RRP8: variants seen among roughly 807,000 people sequenced by gnomAD.
RRP8 encodes the protein ribosomal RNA processing 8.
Under a neutral mutation model 45.0 loss-of-function variants are expected in RRP8, and 48 were observed. The ratio of observed to expected loss-of-function variants is 1.07; its 90% confidence interval spans 0.85 to 1.36. The LOEUF (loss-of-function observed/expected upper bound fraction) is 1.36. Among genes scored for constraint, RRP8 ranks in the 40% most tolerant of loss-of-function variants. The pLI, the probability that RRP8 is intolerant of heterozygous loss-of-function variation, is 0.00. For synonymous variants in RRP8, 274 were observed against 212.4 expected (o/e 1.29, Z -2.52); for missense variants, 658 against 573.7 (o/e 1.15, Z -1.50).
At position 6,603,503 on chromosome 11, in the gene RRP8, G is replaced by A. The variant is rs764684892; in HGVS notation, c.-1C>T. The A allele has an allele frequency of 4.5e-6, 7 of 1,567,898 alleles. No individual in the cohort carries two copies. The highest frequency in any genetic ancestry group is 6.1e-6 in the Non-Finnish European group (7 of 1,156,888). ...CGGCCCACTCAGGCTCTTCGAACATGAGGGTCGGGAGGGCAGGGTCGCCGA... is the reference window on the plus strand; with the variant it reads ...CGGCCCACTCAGGCTCTTCGAACATAAGGGTCGGGAGGGCAGGGTCGCCGA... On this transcript the variant is annotated 5_prime_UTR_variant, in exon 1 of 7. Transcript: ENST00000254605.
rs1164679726 is a variant in RRP8, at chr11:6,601,873, G to A, written c.442C>T (p.Leu148=). The A allele has an allele frequency of 5.0e-6, 8 of 1,612,778 alleles. No individual in the cohort carries two copies. Among genetic ancestry groups the A allele is most frequent in the East Asian group, 2.2e-5 (1 of 44,878 alleles). ...KHAPINSAQH[L]DNVDQTGPKA... ...GTACCTGTTTGGTCAACATTGTCCA[G>A]GTGCTGGGCTGAATTTATAGGGGCA... Residue 148 remains leucine (L), a synonymous_variant, in exon 2 of 7, where the codon CTG becomes TTG. Transcript: ENST00000254605.
chr11:6,601,344 C>A lies in RRP8; in HGVS notation c.722G>T (p.Arg241Leu), dbSNP rs142606127. The A allele has an allele frequency of 1.2e-6, 2 of 1,613,886 alleles. No individual in the cohort carries two copies. The highest frequency in any genetic ancestry group is 1.1e-5 in the South Asian group (1 of 91,044). The change falls in exon 3 of 7, where the codon CGC becomes CTC. Residue 241 changes from arginine to leucine, a missense_variant. Physicochemically the swap from Arg to Leu is moderately radical, Grantham distance 102. Transcript: ENST00000254605. Reference protein sequence around the residue: ...HEARAGALRARMAQRLDGARF... With the variant: ...HEARAGALRALMAQRLDGARF... ...GGCCCCATCCAGCCGCTGTGCCATG[C>A]GGGCTCGCAAAGCCCCTGCCCGAGC... is the stretch of plus-strand genomic sequence containing the variant.
rs77325306 is a variant in RRP8 at position 6,602,048 on chromosome 11, C to T, written c.267G>A (p.Gly89=). ...ASFASASAEV[G]KKGKKKCQKQ... is the part of the protein sequence containing the mutation. Reference sequence around the variant, plus strand: ...TTTGACATTTCTTCTTCCCTTTCTTCCCTACTTCAGCAGAGGCACTGGCAA... The same window carrying T: ...TTTGACATTTCTTCTTCCCTTTCTTTCCTACTTCAGCAGAGGCACTGGCAA... Residue 89 remains glycine (G), a synonymous_variant, in exon 2 of 7, where the codon GGG becomes GGA. Transcript: ENST00000254605. The T allele has an allele frequency of 6.1e-4, 981 of 1,614,088 alleles. No individual in the cohort carries two copies. The highest frequency in any genetic ancestry group is 5.6e-4 in the Non-Finnish European group (664 of 1,179,932).
intron 1 of RRP8, among the ~76,000 whole-genome samples, chr11:6,602,645 A>C (rs771038238): frequency 5.9e-5 from 9 of 152,236 alleles, no homozygotes; most frequent in Non-Finnish European, 1.2e-4. Flanking sequence ...TGTAGAAAAC[A>C]AACTGAAGGG....
rs376667586 is a variant in RRP8, at chr11:6,597,889, T to TA, written c.*2256dup. ...TGGGCCACAGAGCAAGACTCTGTCT[T>TA]AAAAAAAAAAAAAAAAAAAAATTAA... On this transcript the variant is annotated 3_prime_UTR_variant, in exon 7 of 7. Coordinates refer to ENST00000254605, the MANE Select transcript of RRP8 (RefSeq NM_015324.4). 8,715 of 131,614 alleles carry TA rather than the reference T, an allele frequency of 0.066. 279 individuals carry two copies. Among genetic ancestry groups the TA allele is most frequent in the Middle Eastern group, 0.14 (36 of 260 alleles). 8.2% of individuals were successfully genotyped at this position (131,614 alleles called of 1,614,324 possible).
chr11:6,600,003 G>A lies in RRP8; in HGVS notation c.*143C>T. 1 of 532,960 alleles carries A rather than the reference G, an allele frequency of 1.9e-6. No homozygotes were observed. 33.0% of individuals were successfully genotyped at this position (532,960 alleles called of 1,614,324 possible). ...AACCAAGAAGCCTTCAGTAGAGCAA[G>A]TCTGAGCCAGAGGTTTTATCACACT... On this transcript the variant is annotated 3_prime_UTR_variant, in exon 7 of 7. Coordinates refer to ENST00000254605, the MANE Select transcript of RRP8 (RefSeq NM_015324.4).
Position 6,601,195 on chromosome 11 carries a change from A to G in RRP8, c.871T>C (p.Trp291Arg), listed in dbSNP as rs749590193. The stretch of plus-strand genomic sequence containing the variant: ...ATGCGGTCCACTGGCTGCAGTGGCC[A>G]CTTCTTCACTTGGCTCTGGAAGCCG... Reference protein sequence around the residue: ...HRGFQSQVKKWPLQPVDRIAR... With the variant: ...HRGFQSQVKKRPLQPVDRIAR... Residue 291 changes from tryptophan (W) to arginine (R), a missense_variant, in exon 3 of 7, where the codon TGG (tryptophan) becomes CGG (arginine). By Grantham distance (101) the Trp-to-Arg change is moderately radical. Transcript: ENST00000254605. 4.6e-5 allele frequency: 74 copies of G among 1,613,696 alleles called. No homozygotes were observed. The highest frequency in any genetic ancestry group is 5.5e-5 in the Non-Finnish European group (65 of 1,179,832).
Position 6,596,108 on chromosome 11 carries a change from T to C in RRP8, c.*4038A>G, listed in dbSNP as rs1029643076. 1 of 152,234 alleles carries C rather than the reference T, an allele frequency of 6.6e-6. No homozygotes were observed. Among genetic ancestry groups the C allele is most frequent in the African/African-American group, 2.4e-5 (1 of 41,468 alleles). The allele number at this position is 152,234 out of a possible 1,614,324, so 9.4% of individuals were successfully genotyped here. A position where few individuals can be genotyped will look rare whatever the true frequency, so the allele number is the denominator to read the frequency against. On this transcript the variant is annotated 3_prime_UTR_variant, in exon 7 of 7. Coordinates refer to ENST00000254605, the MANE Select transcript of RRP8 (RefSeq NM_015324.4). ...TTTCCACTGTTGAGAACTACTCACA[T>C]AGGCCTAGATGCATGGAGCTGGGAA...
rs1465509818 is a variant in RRP8, at chr11:6,599,107, A to G, written c.*1039T>C. 1 of 152,258 alleles carries G rather than the reference A, an allele frequency of 6.6e-6. No individual in the cohort carries two copies. Among genetic ancestry groups the G allele is most frequent in the Non-Finnish European group, 1.5e-5 (1 of 68,070 alleles). The allele number at this position is 152,258 out of a possible 1,614,324, so 9.4% of individuals were successfully genotyped here. ...CAAGGACAGAAGCTCAGAATCTATTAAAAGTCATTAAATAGCCTATGAAGC... is the reference window on the plus strand; with the variant it reads ...CAAGGACAGAAGCTCAGAATCTATTGAAAGTCATTAAATAGCCTATGAAGC... On this transcript the variant is annotated 3_prime_UTR_variant, in exon 7 of 7. Coordinates refer to ENST00000254605, the MANE Select transcript of RRP8 (RefSeq NM_015324.4).
Position 6,597,235 on chromosome 11 carries a change from T to A in RRP8, c.*2911A>T, listed in dbSNP as rs1291721214. On this transcript the variant is annotated 3_prime_UTR_variant, in exon 7 of 7. Coordinates refer to ENST00000254605, the MANE Select transcript of RRP8 (RefSeq NM_015324.4). ...CTCCTCTCTACCTAATCACTGCTGATTGCTCTGGGCCCAAGTGATGAGGAG... is the reference window on the plus strand; with the variant it reads ...CTCCTCTCTACCTAATCACTGCTGAATGCTCTGGGCCCAAGTGATGAGGAG... 2 of 152,186 alleles carry A rather than the reference T, an allele frequency of 1.3e-5. No homozygotes were observed. Among genetic ancestry groups the A allele is most frequent in the Non-Finnish European group, 2.9e-5 (2 of 68,070 alleles). 9.4% of individuals were successfully genotyped at this position (152,186 alleles called of 1,614,324 possible). A position where few individuals can be genotyped will look rare whatever the true frequency, so the allele number is the denominator to read the frequency against.
rs1306250227 is a variant in RRP8 at position 6,602,013 on chromosome 11, G to A, written c.302C>T (p.Pro101Leu). The A allele has an allele frequency of 6.2e-7, 1 of 1,614,072 alleles. No homozygotes were observed. Among genetic ancestry groups the A allele is most frequent in the South Asian group, 1.1e-5 (1 of 91,070 alleles). ...KGKKKCQKQG[P>L]PCSDSEEEVE... ...TTCTTCCTCAGAGTCACTGCAAGGTGGGCCCTGTTTTTGACATTTCTTCTT... is the reference window on the plus strand; with the variant it reads ...TTCTTCCTCAGAGTCACTGCAAGGTAGGCCCTGTTTTTGACATTTCTTCTT... Residue 101 changes from proline (P) to leucine (L), a missense_variant, in exon 2 of 7, where the codon CCA (proline) becomes CTA (leucine). Coordinates refer to ENST00000254605, the MANE Select transcript of RRP8 (RefSeq NM_015324.4).
Position 6,601,985 on chromosome 11 carries a change from T to C in RRP8, c.330A>G (p.Val110=). ...GPPCSDSEEE[V]ERKKKCHKQA... Reference sequence around the variant, plus strand: ...GTTTGTGGCATTTCTTCTTCCTTTCTACTTCTTCCTCAGAGTCACTGCAAG... The same window carrying C: ...GTTTGTGGCATTTCTTCTTCCTTTCCACTTCTTCCTCAGAGTCACTGCAAG... Residue 110 remains valine (V), a synonymous_variant, in exon 2 of 7, where the codon GTA becomes GTG. Transcript: ENST00000254605. 1.2e-6 allele frequency: 2 copies of C among 1,614,172 alleles called. No individual in the cohort carries two copies. The highest frequency in any genetic ancestry group is 1.7e-6 in the Non-Finnish European group (2 of 1,180,018).
In RRP8 at chr11:6,598,367, T is replaced by C. The variant is rs1387797166; in HGVS notation, c.*1779A>G. The C allele has an allele frequency of 1.3e-5, 2 of 152,274 alleles. No homozygotes were observed. Among genetic ancestry groups the C allele is most frequent in the African/African-American group, 4.8e-5 (2 of 41,448 alleles). The allele number at this position is 152,274 out of a possible 1,614,324, so 9.4% of individuals were successfully genotyped here. On this transcript the variant is annotated 3_prime_UTR_variant, in exon 7 of 7. Transcript: ENST00000254605. Reference sequence around the variant, plus strand: ...CCTGTTCTCATCTATCCCACTCAACTGGACCCTGTCATTCCTTATCTCTCC... The same window carrying C: ...CCTGTTCTCATCTATCCCACTCAACCGGACCCTGTCATTCCTTATCTCTCC...
In RRP8 at chr11:6,601,616, G is replaced by C. The variant is rs770877533; in HGVS notation, c.464-14C>G. 1.9e-6 allele frequency: 3 copies of C among 1,590,786 alleles called. No homozygotes were observed. Among genetic ancestry groups the C allele is most frequent in the East Asian group, 2.2e-5 (1 of 44,838 alleles). ...AGGCTTTGGGACCTACAGGGAGGGA[G>C]ATGGGAAGGTGCACATGAGGCAAGA... On this transcript the variant is annotated splice_polypyrimidine_tract_variant and intron_variant, in intron 2 of 6. Coordinates refer to ENST00000254605, the MANE Select transcript of RRP8 (RefSeq NM_015324.4).
chr11:6,600,397 C>T, intron 6 of RRP8, 89 bp downstream of exon 6: 3 of 1,391,934 alleles, frequency 2.2e-6, no homozygotes, highest in Non-Finnish European at 3.0e-6. Context: ...AATGTCTGTT[C>T]CTGTGCCTAA....
At position 6,600,165 on chromosome 11, in the gene RRP8, C is replaced by T; in HGVS notation, c.1352G>A (p.Cys451Tyr). Residue 451 changes from cysteine to tyrosine, a missense_variant, in exon 7 of 7, where the codon TGT becomes TAT. Transcript: ENST00000254605. ...AQLSGLQLQP[C>Y]LYKRR The stretch of plus-strand genomic sequence containing the variant: ...CAGAGGTCACCTGCGCTTGTAGAGA[C>T]ATGGCTGAAGCTGCAGGCCTGAAAG... 1 of 1,598,212 alleles carries T rather than the reference C, an allele frequency of 6.3e-7. No homozygotes were observed. The highest frequency in any genetic ancestry group is 1.1e-5 in the South Asian group (1 of 88,710).
rs1854385898 is a variant in RRP8, at chr11:6,601,855, T to C, written c.460A>G (p.Thr154Ala). 3.7e-6 allele frequency: 6 copies of C among 1,608,502 alleles called. No individual in the cohort carries two copies. Among genetic ancestry groups the C allele is most frequent in the Non-Finnish European group, 5.1e-6 (6 of 1,176,838 alleles). Residue 154 changes from threonine (T) to alanine (A), a missense_variant, in exon 2 of 7, where the codon ACA becomes GCA. Thr to Ala is a moderately conservative substitution (Grantham distance 58). Transcript: ENST00000254605. ...SAQHLDNVDQ[T>A]GPKAWKGSTT... ...ACATATACACATCCAATGGTACCTG[T>C]TTGGTCAACATTGTCCAGGTGCTGG... is the stretch of plus-strand genomic sequence containing the variant.
chr11:6,601,816 A>G, intron 2 of RRP8, 36 bp downstream of exon 2: 2 of 1,557,414 alleles, frequency 1.3e-6, no homozygotes, highest in Non-Finnish European at 8.7e-7. Context: ...CGACACACAC[A>G]CACCAACACA....
Position 6,603,589 on chromosome 11 carries a change from A to G in RRP8, c.-87T>C. 2.4e-6 allele frequency: 2 copies of G among 818,326 alleles called. No individual in the cohort carries two copies. Among genetic ancestry groups the G allele is most frequent in the Non-Finnish European group, 3.7e-6 (2 of 540,550 alleles). 50.7% of individuals were successfully genotyped at this position (818,326 alleles called of 1,614,324 possible). The stretch of plus-strand genomic sequence containing the variant: ...GGAAGTCGGAGCGCTCAGACCTGCC[A>G]GAACCGACCCGGAAACCAAAGCGTG... On this transcript the variant is annotated 5_prime_UTR_variant, in exon 1 of 7. Transcript: ENST00000254605.
Sources: allele counts gnomAD v4.1 joint callset (sites outside exome capture counted in the v4.1 genomes callset), GRCh38; gene constraint gnomAD v4.1.1; transcripts MANE v1.5; gene names NCBI Gene and HGNC (gene_info 2026-07-23, HGNC 2026-07-21).